Variants in NSMAF observed in about 807,000 individuals in gnomAD.
NSMAF encodes protein FAN.
Under a neutral mutation model 134.9 loss-of-function variants are expected in NSMAF, and 90 were observed. The observed-to-expected ratio is 0.67, with a 90% CI of 0.56 to 0.79. The LOEUF is 0.79. Among genes scored for constraint, NSMAF ranks in the 30% least tolerant of loss-of-function variants. NSMAF has a pLI of 0.00. For synonymous variants in NSMAF, 358 were observed against 389.6 expected (o/e 0.92, Z 0.96); for missense variants, 1,010 against 1,119.0 (o/e 0.90, Z 1.39).
intron 1 of NSMAF, among the ~76,000 whole-genome samples, chr8:58,643,472 C>T (rs554062963): frequency 6.6e-6 from 1 of 152,242 alleles, no homozygotes; most frequent in Admixed American, 6.5e-5. Context: ...TCCCTGCCCC[C>T]AACATCTGCC....
At chr8:58,635,575 G>A (rs1807155923) in intron 2 of NSMAF, 29 bp from the exon 3 acceptor site, 7 of 1,367,526 alleles carry the variant, frequency 5.1e-6, no homozygotes, top group East Asian at 2.3e-5. Context: ...CAGATTGTTT[G>A]ATGAGCATAA....
At chr8:58,586,432 T>G in intron 28 of NSMAF, 26 bp downstream of exon 28, 3 of 1,582,274 alleles carry the variant, frequency 1.9e-6, no homozygotes, top group Non-Finnish European at 2.6e-6. Flanking sequence ...CCTAGTATTA[T>G]CTGTTTTAAA....
In NSMAF at chr8:58,585,947, C is replaced by T. The variant is rs1382309664; in HGVS notation, c.2500G>A (p.Val834Met). ...GAGGAGATGAGCATTCCTGTCTGCA[C>T]ATCAATGACATTAAGACAGCCATCT... ...GTDGCLNVID[V>M]QTGMLISSMT... Residue 834 changes from valine (V) to methionine (M), a missense_variant, in exon 29 of 31, where the codon GTG becomes ATG. Coordinates refer to ENST00000038176, the MANE Select transcript of NSMAF (RefSeq NM_003580.4). The T allele has an allele frequency of 1.2e-6, 2 of 1,613,968 alleles. No homozygotes were observed. The highest frequency in any genetic ancestry group is 3.3e-5 in the Admixed American group (2 of 60,004).
At chr8:58,640,249 T>C (rs545302200) in intron 2 of NSMAF, 4 of 262,576 alleles carry the variant, frequency 1.5e-5, no homozygotes, top group Admixed American at 9.3e-5. Context: ...ATTACTTTGA[T>C]TGTGGTCAGC....
chr8:58,626,095 T>G (rs1416205800), intron 6 of NSMAF, among the ~76,000 whole-genome samples: 6 of 136,556 alleles, frequency 4.4e-5, no homozygotes, highest in African/African-American at 5.5e-5. Context: ...ATAATTCTTT[T>G]TTTTTTTTTT....
chr8:58,643,502 T>A (rs957844043), intron 1 of NSMAF, among the ~76,000 whole-genome samples: 4 of 149,450 alleles, frequency 2.7e-5, no homozygotes, highest in Non-Finnish European at 5.9e-5. Flanking sequence ...TCTGAGTTAC[T>A]CCCACAAGAA....
intron 9 of NSMAF, among the ~76,000 whole-genome samples, chr8:58,620,455 TGTTAAG>T (rs1806761206): frequency 6.6e-6 from 1 of 152,154 alleles, no homozygotes; most frequent in Admixed American, 6.5e-5. Context: ...CTTGGGGCCA[TGTTAAG>T]GTGTTTAGGC....
chr8:58,585,443 G>A (rs1805860605), intron 30 of NSMAF, among the ~76,000 whole-genome samples: 1 of 151,550 alleles, frequency 6.6e-6, no homozygotes, highest in South Asian at 2.1e-4. Context: ...CCTTTTTGGA[G>A]TCCAATGGCT....
rs571525208 is a variant in NSMAF, at chr8:58,585,317, G to GTTTTTTTTTT, written c.2659+325_2659+334dup. On this transcript the variant is annotated intron_variant, in intron 30 of 30. Coordinates refer to ENST00000038176, the MANE Select transcript of NSMAF (RefSeq NM_003580.4). ...GTAGTTCCTATTGTATTGTTTCTGG[G>GTTTTTTTTTT]TTTTTTTTTTTTCTCTTTTTTTACT... Among the ~76,000 whole-genome samples the GTTTTTTTTTT allele has an allele frequency of 6.2e-3, 897 of 144,244 alleles. 10 individuals carry two copies. The highest frequency in any genetic ancestry group is 0.021 in the African/African-American group (831 of 39,018). 94.6% of individuals were successfully genotyped at this position (144,244 alleles called of 152,430 possible). A position where few individuals can be genotyped will look rare whatever the true frequency, so the allele number is the denominator to read the frequency against.
At chr8:58,600,368 T>A (rs1806251354) in intron 16 of NSMAF, among the ~76,000 whole-genome samples, 1 of 152,020 alleles carries the variant, frequency 6.6e-6, no homozygotes, top group Admixed American at 6.6e-5. Context: ...CTCACACCTG[T>A]AATCTCAGTA....
chr8:58,598,433 GC>G (rs1806187155), intron 19 of NSMAF, among the ~76,000 whole-genome samples: 1 of 143,226 alleles, frequency 7.0e-6, no homozygotes, highest in Non-Finnish European at 1.5e-5. Context: ...GTTGCAGTGA[GC>G]CAAGACTGCA....
chr8:58,651,813 G>A (rs1357868365), intron 1 of NSMAF, among the ~76,000 whole-genome samples: 1 of 152,224 alleles, frequency 6.6e-6, no homozygotes, highest in Non-Finnish European at 1.5e-5. Context: ...TTGTTAAAAT[G>A]CACATTCCAA....
At chr8:58,587,507 T>C (rs1292227249) in intron 27 of NSMAF, 111 bp downstream of exon 27, 5 of 733,468 alleles carry the variant, frequency 6.8e-6, no homozygotes, top group Non-Finnish European at 1.2e-5. Flanking sequence ...CCTATAATCT[T>C]CCATTAACCA....
intron 1 of NSMAF, chr8:58,659,123 C>T (rs1807793699): frequency 7.8e-7 from 1 of 1,280,656 alleles, no homozygotes; most frequent in African/African-American, 1.6e-5. Context: ...CTCTGCGGCG[C>T]CGGCGCCGAG....
In NSMAF at chr8:58,586,522, C is replaced by T. The variant is rs1805889366; in HGVS notation, c.2382G>A (p.Thr794=). The change falls in exon 28 of 31, where the codon ACG becomes ACA. Residue 794 remains threonine (T), a synonymous_variant. Coordinates refer to ENST00000038176, the MANE Select transcript of NSMAF (RefSeq NM_003580.4). ...EGTVNIWDLT[T]ATLMHQIPCH... ...ATGGAATCTGGTGCATTAAGGTGGC[C>T]GTTGTGAGGTCCCAAATATTCACTG... The T allele has an allele frequency of 4.3e-6, 7 of 1,613,710 alleles. No homozygotes were observed. Among genetic ancestry groups the T allele is most frequent in the East Asian group, 2.2e-5 (1 of 44,868 alleles).
intron 11 of NSMAF, among the ~76,000 whole-genome samples, chr8:58,606,428 T>C (rs1037565175): frequency 6.6e-6 from 1 of 152,152 alleles, no homozygotes; most frequent in Admixed American, 6.5e-5. Flanking sequence ...AACATATATA[T>C]ATTTTGAGAC....
At position 58,635,452 on chromosome 8, in the gene NSMAF, T is replaced by C. The variant is rs759659083; in HGVS notation, c.228+16A>G. 1.3e-6 allele frequency: 2 copies of C among 1,583,984 alleles called. No homozygotes were observed. Among genetic ancestry groups the C allele is most frequent in the Admixed American group, 3.6e-5 (2 of 55,038 alleles). Reference sequence around the variant, plus strand: ...AAAAATAGGAATGTTTCTGTTCATATTTAAAATGTATTTACCTTGATGATG... The same window carrying C: ...AAAAATAGGAATGTTTCTGTTCATACTTAAAATGTATTTACCTTGATGATG... On this transcript the variant is annotated intron_variant, in intron 3 of 30. Coordinates refer to ENST00000038176, the MANE Select transcript of NSMAF (RefSeq NM_003580.4).
chr8:58,618,075 A>G (rs957046728), intron 9 of NSMAF, among the ~76,000 whole-genome samples: 1 of 152,026 alleles, frequency 6.6e-6, no homozygotes, highest in African/African-American at 2.4e-5. Flanking sequence ...CAAGCCAAAC[A>G]CCACATGTCC....
rs1215779311 is a variant in NSMAF at position 58,597,466 on chromosome 8, T to A, written c.1713A>T (p.Pro571=). The A allele has an allele frequency of 1.2e-6, 2 of 1,614,098 alleles. No individual in the cohort carries two copies. Among genetic ancestry groups the A allele is most frequent in the South Asian group, 2.2e-5 (2 of 91,086 alleles). ...GQTPKQLFVT[P]HPRRITPKFK... ...ACTTTGGGGTGATCCTTCGAGGATG[T>A]GGTGTCACAAATAGTTGTTTTGGTG... The change falls in exon 21 of 31, where the codon CCA becomes CCT. Residue 571 remains proline, a synonymous_variant. Transcript: ENST00000038176.
Sources: allele counts gnomAD v4.1 joint callset (sites outside exome capture counted in the v4.1 genomes callset), GRCh38; gene constraint gnomAD v4.1.1; transcripts MANE v1.5; gene names NCBI Gene and HGNC (gene_info 2026-07-23, HGNC 2026-07-21).